Variants in RBMS3 observed in about 807,000 individuals in gnomAD.
RBMS3 encodes the protein RNA binding motif single stranded interacting protein 3.
In RBMS3, 27 loss-of-function variants were observed where a neutral mutation model predicts 66.8. That is an observed-to-expected ratio of 0.40 (90% CI 0.30 to 0.56). The LOEUF (loss-of-function observed/expected upper bound fraction) is 0.56. RBMS3 is among the 20% of genes least tolerant of loss of function. RBMS3 has a pLI of 0.40. For synonymous variants in RBMS3, 188 were observed against 183.0 expected (o/e 1.03, Z -0.22); for missense variants, 513 against 549.5 (o/e 0.93, Z 0.66).
intron 4 of RBMS3, among the ~76,000 whole-genome samples, chr3:29,606,060 G>A (rs1273727688): frequency 2.0e-5 from 3 of 148,506 alleles, no homozygotes; most frequent in Admixed American, 1.4e-4. Context: ...TTTACAGTTT[G>A]ACCTTTCTTA....
In RBMS3 at chr3:29,968,496, C is replaced by G. The variant is rs547568552; in HGVS notation, c.1099-19647C>G. Among the ~76,000 whole-genome samples, 4 of 151,106 alleles carry G rather than the reference C, an allele frequency of 2.6e-5. No individual in the cohort carries two copies. The East Asian group carries it at 5.8e-4, about 22-fold the overall frequency. On this transcript the variant is annotated intron_variant, in intron 12 of 14. Coordinates refer to ENST00000383767, the MANE Select transcript of RBMS3 (RefSeq NM_001003793.3). ...CAGGCAGGAATGGGCTGCTTGAGGACCCGGTGAGCTCCCAGGGCCTTTCTG... is the reference window on the plus strand; with the variant it reads ...CAGGCAGGAATGGGCTGCTTGAGGAGCCGGTGAGCTCCCAGGGCCTTTCTG...
In RBMS3 at chr3:29,881,325, T is replaced by C. The variant is rs138583578; in HGVS notation, c.745-2837T>C. Among the ~76,000 whole-genome samples the C allele has an allele frequency of 3.5e-3, 540 of 152,166 alleles. 3 individuals are homozygous for C. The highest frequency in any genetic ancestry group is 4.7e-3 in the Admixed American group (71 of 15,266). ...CCACTCATATGGCACTTAACACATA[T>C]TGCTTTGTATTATAATATTTATGTA... On this transcript the variant is annotated intron_variant, in intron 7 of 14. Coordinates refer to ENST00000383767, the MANE Select transcript of RBMS3 (RefSeq NM_001003793.3).
chr3:29,487,280 G>A (rs534349281), intron 2 of RBMS3, among the ~76,000 whole-genome samples: 3 of 152,200 alleles, frequency 2.0e-5, no homozygotes, highest in Non-Finnish European at 2.9e-5. Context: ...GAATAATCTC[G>A]TGTGGTAATA....
intron 6 of RBMS3, among the ~76,000 whole-genome samples, chr3:29,815,905 C>G (rs9310918): frequency 0.46 from 69,162 of 150,460 alleles, 16,688 homozygotes; most frequent in African/African-American, 0.57. Context: ...TCCATGTAAC[C>G]GAAAAGCACC....
chr3:29,900,556 G>C (rs1371075713), intron 10 of RBMS3, among the ~76,000 whole-genome samples: 1 of 151,692 alleles, frequency 6.6e-6, no homozygotes, highest in Non-Finnish European at 1.5e-5. Context: ...GCGAGATAGA[G>C]ATTTCAATAG....
chr3:29,858,192 T>A (rs929625744), intron 6 of RBMS3, among the ~76,000 whole-genome samples: 2 of 151,930 alleles, frequency 1.3e-5, no homozygotes, highest in African/African-American at 4.9e-5. Context: ...TTTTTACATG[T>A]CCTTTTTCCA....
At chr3:29,763,986 C>T (rs528449119) in intron 6 of RBMS3, among the ~76,000 whole-genome samples, 1 of 152,130 alleles carries the variant, frequency 6.6e-6, no homozygotes, top group Admixed American at 6.6e-5. Flanking sequence ...AATGCATCTA[C>T]TATTTAAAAC....
chr3:29,398,752 G>A (rs1433313467), intron 1 of RBMS3, among the ~76,000 whole-genome samples: 1 of 151,992 alleles, frequency 6.6e-6, no homozygotes, highest in African/African-American at 2.4e-5. Context: ...GCCAAGTGAT[G>A]CAAAAAATGT....
intron 4 of RBMS3, among the ~76,000 whole-genome samples, chr3:29,682,376 G>A (rs1027901294): frequency 2.6e-5 from 4 of 152,106 alleles, no homozygotes; most frequent in East Asian, 3.9e-4. Context: ...GATGGTCTCC[G>A]TCTCCTGACC....
chr3:29,506,234 G>C (rs948747822), intron 3 of RBMS3, among the ~76,000 whole-genome samples: 1 of 151,568 alleles, frequency 6.6e-6, no homozygotes, highest in Non-Finnish European at 1.5e-5. Flanking sequence ...TGTCCTTTCA[G>C]GTATTGAGAT....
intron 4 of RBMS3, among the ~76,000 whole-genome samples, chr3:29,591,604 G>C (rs899402180): frequency 6.6e-6 from 1 of 152,114 alleles, no homozygotes; most frequent in Non-Finnish European, 1.5e-5. Flanking sequence ...CCTCATTGAG[G>C]CCTCGCTGGA....
intron 4 of RBMS3, among the ~76,000 whole-genome samples, chr3:29,711,709 C>T (rs1288351883): frequency 6.6e-6 from 1 of 152,150 alleles, no homozygotes; most frequent in African/African-American, 2.4e-5. Flanking sequence ...TGGCTCCATA[C>T]ACATGCTCTA....
At chr3:29,957,027 T>A (rs1001108784) in intron 12 of RBMS3, among the ~76,000 whole-genome samples, 2 of 152,154 alleles carry the variant, frequency 1.3e-5, no homozygotes, top group East Asian at 1.9e-4. Flanking sequence ...TCATCTAGAA[T>A]GTGTTTCCTT....
At chr3:29,857,314 T>A (rs1173581317) in intron 6 of RBMS3, among the ~76,000 whole-genome samples, 4 of 152,102 alleles carry the variant, frequency 2.6e-5, no homozygotes. Flanking sequence ...CCTAAGTGAA[T>A]GCTCTACTAG....
intron 4 of RBMS3, among the ~76,000 whole-genome samples, chr3:29,700,187 A>T (rs913403446): frequency 6.6e-6 from 1 of 152,086 alleles, no homozygotes; most frequent in Admixed American, 6.5e-5. Context: ...CTTTTCTCTC[A>T]CTTTTCAGTA....
At chr3:29,533,288 G>T (rs2045432285) in intron 3 of RBMS3, among the ~76,000 whole-genome samples, 1 of 151,852 alleles carries the variant, frequency 6.6e-6, no homozygotes, top group Admixed American at 6.6e-5. Flanking sequence ...GACCAGTGTG[G>T]GCAACATAAA....
At chr3:29,656,248 C>G (rs1268404194) in intron 4 of RBMS3, among the ~76,000 whole-genome samples, 4 of 152,180 alleles carry the variant, frequency 2.6e-5, no homozygotes, top group Admixed American at 2.0e-4. Context: ...CAGTCACTGG[C>G]TGACCCAGAG....
At chr3:29,978,938 A>G (rs963905500) in intron 12 of RBMS3, among the ~76,000 whole-genome samples, 17 of 152,204 alleles carry the variant, frequency 1.1e-4, no homozygotes, top group African/African-American at 4.1e-4. Context: ...GTTCAAGACC[A>G]GTCTGGGCAA....
At chr3:29,693,656 CT>C (rs1403886933) in intron 4 of RBMS3, among the ~76,000 whole-genome samples, 1 of 151,990 alleles carries the variant, frequency 6.6e-6, no homozygotes, top group Non-Finnish European at 1.5e-5. Flanking sequence ...GCTTAACATA[CT>C]TTATTCATAC....
Sources: gnomAD v4.1 joint callset for allele counts (sites outside exome capture counted in the v4.1 genomes callset) on GRCh38, gnomAD v4.1.1 for gene constraint, MANE v1.5 for transcripts, NCBI Gene and HGNC (gene_info 2026-07-23, HGNC 2026-07-21) for gene names.